GREB1: variants seen among roughly 807,000 people sequenced by gnomAD.
GREB1 encodes growth regulating estrogen receptor binding 1.
In GREB1, 106 loss-of-function variants were observed where a neutral mutation model predicts 200.7. That is an observed-to-expected ratio of 0.53 (90% CI 0.45 to 0.62). The LOEUF (loss-of-function observed/expected upper bound fraction) is 0.62. GREB1 is among the 20% of genes least tolerant of loss of function. The pLI is 0.00. For synonymous variants in GREB1, 1,132 were observed against 1,092.4 expected (o/e 1.04, Z -0.72); for missense variants, 2,243 against 2,556.8 (o/e 0.88, Z 2.65).
intron 24 of GREB1, among the ~76,000 whole-genome samples, chr2:11,626,515 G>T (rs1017847085): frequency 1.3e-5 from 2 of 152,144 alleles, no homozygotes; most frequent in African/African-American, 4.8e-5. Flanking sequence ...TTGAACCTGC[G>T]AGGCGGAGGT....
In GREB1 at chr2:11,597,979, G is replaced by A; in HGVS notation, c.2152+1G>A. ...ACTCTGCTCCATGTGTGGCATTCAG[G>A]TATGGGGCATTTTGGGGAGAAGTCA... On this transcript the variant is annotated splice_donor_variant, in intron 14 of 32. Transcript: ENST00000381486. LOFTEE classifies it high-confidence loss of function. The surrounding 1 kb of genome is among the most constrained non-coding windows in gnomAD (Gnocchi z 4.1). 2 of 1,611,166 alleles carry A rather than the reference G, an allele frequency of 1.2e-6. No individual in the cohort carries two copies. The highest frequency in any genetic ancestry group is 1.7e-6 in the Non-Finnish European group (2 of 1,177,510).
intron 4 of GREB1, among the ~76,000 whole-genome samples, chr2:11,575,839 A>G (rs1424669388): frequency 6.6e-6 from 1 of 152,200 alleles, no homozygotes; most frequent in Non-Finnish European, 1.5e-5. Flanking sequence ...ATCTGTGTAG[A>G]CAGTGGAATG....
chr2:11,522,260 TGGAACACTAAGTATGTA>T (rs1673729695), intron 1 of GREB1, among the ~76,000 whole-genome samples: 1 of 152,214 alleles, frequency 6.6e-6, no homozygotes, highest in South Asian at 2.1e-4. Flanking sequence ...GTTCCATTAT[TGGAACACTAAGTATGTA>T]GGAATTATTT....
intron 1 of GREB1, among the ~76,000 whole-genome samples, chr2:11,550,386 T>C (rs1233334618): frequency 6.6e-6 from 1 of 152,210 alleles, no homozygotes; most frequent in African/African-American, 2.4e-5. Flanking sequence ...AGAAAAGGAA[T>C]GAGAGAAGGG....
At chr2:11,620,102 G>A (rs1206883105) in intron 22 of GREB1, among the ~76,000 whole-genome samples, 6 of 152,060 alleles carry the variant, frequency 3.9e-5, no homozygotes, top group Non-Finnish European at 5.9e-5. Flanking sequence ...TCAGCCTCCC[G>A]AGTAGCTGGG....
Position 11,610,888 on chromosome 2 carries a change from G to A in GREB1, c.2867G>A (p.Cys956Tyr). ...CTCATGGTCCTGCTGCGGGTGCCCTGTTCGCCCCTGGCGGTGGTGGCCTAT... is the reference window on the plus strand; with the variant it reads ...CTCATGGTCCTGCTGCGGGTGCCCTATTCGCCCCTGGCGGTGGTGGCCTAT... Reference protein sequence around the residue: ...HGLMVLLRVPCSPLAVVAYER... With the variant: ...HGLMVLLRVPYSPLAVVAYER... The change falls in exon 18 of 33, where the codon TGT (cysteine) becomes TAT (tyrosine). Residue 956 changes from cysteine (C) to tyrosine (Y), a missense_variant. Coordinates refer to ENST00000381486, the MANE Select transcript of GREB1 (RefSeq NM_014668.4). 6.2e-7 allele frequency: 1 copy of A among 1,613,142 alleles called. No individual in the cohort carries two copies. The highest frequency in any genetic ancestry group is 8.5e-7 in the Non-Finnish European group (1 of 1,179,812).
chr2:11,525,304 A>G (rs900949671), intron 1 of GREB1, among the ~76,000 whole-genome samples: 1 of 152,058 alleles, frequency 6.6e-6, no homozygotes, highest in Non-Finnish European at 1.5e-5. Context: ...CAGGAGTTCA[A>G]GACCAACCTG....
At chr2:11,637,260 A>G (rs1685456552) in intron 30 of GREB1, among the ~76,000 whole-genome samples, 1 of 151,666 alleles carries the variant, frequency 6.6e-6, no homozygotes, top group Non-Finnish European at 1.5e-5. Flanking sequence ...GGAGGGAAGC[A>G]GTGAGAGTCT....
chr2:11,510,057 GT>G (rs1673305357), intron 1 of GREB1, among the ~76,000 whole-genome samples: 1 of 152,140 alleles, frequency 6.6e-6, no homozygotes. Flanking sequence ...GTTTATAACA[GT>G]TTTTTTCTTG....
At chr2:11,607,458 GTGTA>G (rs1295575448) in intron 17 of GREB1, among the ~76,000 whole-genome samples, 964 of 44,378 alleles carry the variant, frequency 0.022, 17 homozygotes, top group African/African-American at 0.041. Flanking sequence ...GTGTGTGTGT[GTGTA>G]TATATATATA....
chr2:11,577,807 C>T (rs1344190354), intron 5 of GREB1, among the ~76,000 whole-genome samples: 2 of 152,334 alleles, frequency 1.3e-5, no homozygotes, highest in East Asian at 3.9e-4. Flanking sequence ...CTACTACTTG[C>T]CAGTCATTTC....
chr2:11,632,234 C>A, intron 27 of GREB1, 121 bp downstream of exon 27: 1 of 696,338 alleles, frequency 1.4e-6, no homozygotes, highest in Non-Finnish European at 2.4e-6. Context: ...ACTTTTAAAG[C>A]TATTTTCATT....
chr2:11,520,171 C>T (rs1673654887), intron 1 of GREB1, among the ~76,000 whole-genome samples: 1 of 152,190 alleles, frequency 6.6e-6, no homozygotes, highest in African/African-American at 2.4e-5. Context: ...TAATTAAGTA[C>T]TTACCATAAT....
Position 11,555,866 on chromosome 2 carries a change from A to T in GREB1, c.-161-588A>T, listed in dbSNP as rs116711960. Among the ~76,000 whole-genome samples the T allele has an allele frequency of 8.6e-3, 1,315 of 152,286 alleles. 12 individuals are homozygous for T. The highest frequency in any genetic ancestry group is 0.03 in the African/African-American group (1,229 of 41,544). The stretch of plus-strand genomic sequence containing the variant: ...AGTTGTCTACTTTAAGTGGTAAGGT[A>T]TGTGAATTATATCTCAATTAAGTTG... On this transcript the variant is annotated intron_variant, in intron 1 of 32. Transcript: ENST00000381486.
At chr2:11,508,712 G>A (rs948155412) in intron 1 of GREB1, among the ~76,000 whole-genome samples, 6 of 152,086 alleles carry the variant, frequency 3.9e-5, no homozygotes, top group Non-Finnish European at 7.4e-5. Flanking sequence ...GGCTTGCACC[G>A]TGTTGAAGAT....
At chr2:11,561,405 C>T (rs1677023549) in intron 2 of GREB1, 1 of 148,606 alleles carries the variant, frequency 6.7e-6, no homozygotes, top group Non-Finnish European at 1.5e-5. Context: ...CTCTTGTTGC[C>T]CAGGCTGGAG....
chr2:11,609,284 A>G (rs199499676), intron 17 of GREB1, among the ~76,000 whole-genome samples: 1 of 37,348 alleles, frequency 2.7e-5, no homozygotes, highest in East Asian at 1.2e-3. Flanking sequence ...ATTTATTTAG[A>G]GATGGAGTCT....
In GREB1 at chr2:11,640,355, G is replaced by A. The variant is rs377647997; in HGVS notation, c.5751G>A (p.Glu1917=). The part of the protein sequence containing the change: ...SSLRQTVVRL[E]LEDEWQFRLR... ...TGCGCCAGACGGTCGTCCGCCTGGA[G>A]CTCGAGGACGAGTGGCAGTTCCGGC... The change falls in exon 33 of 33, where the codon GAG becomes GAA. Residue 1917 remains glutamate, a synonymous_variant. Transcript: ENST00000381486. This position sits in a 1 kb window ranked among gnomAD's most constrained non-coding sequence, Gnocchi z 4.6. 2.5e-6 allele frequency: 4 copies of A among 1,614,076 alleles called. No individual in the cohort carries two copies. Among genetic ancestry groups the A allele is most frequent in the African/African-American group, 1.3e-5 (1 of 74,946 alleles).
At chr2:11,586,600 C>T (rs926432833) in intron 9 of GREB1, among the ~76,000 whole-genome samples, 16 of 152,268 alleles carry the variant, frequency 1.1e-4, no homozygotes, top group Admixed American at 5.9e-4. Context: ...TACATACACG[C>T]GTGGGCACGG....
Sources: gnomAD v4.1 joint callset for allele counts (sites outside exome capture counted in the v4.1 genomes callset) on GRCh38, gnomAD v4.1.1 for gene constraint, Gnocchi (gnomAD v3.1) non-coding constraint, MANE v1.5 for transcripts, NCBI Gene and HGNC (gene_info 2026-07-23, HGNC 2026-07-21) for gene names.